Variants in NDUFV1 observed in about 807,000 individuals in gnomAD.
NDUFV1 encodes the protein NADH dehydrogenase [ubiquinone] flavoprotein 1, mitochondrial.
NDUFV1 carries 41 observed loss-of-function variants against 48.7 expected under a neutral mutation model. The observed-to-expected ratio is 0.84, with a 90% CI of 0.66 to 1.09. The LOEUF (loss-of-function observed/expected upper bound fraction) is 1.09, where lower values mean the gene tolerates loss of function less well. NDUFV1 is among the 50% of genes least tolerant of loss of function. NDUFV1 has a pLI of 0.00. For synonymous variants in NDUFV1, 231 were observed against 259.1 expected (o/e 0.89, Z 1.04); for missense variants, 580 against 645.4 (o/e 0.90, Z 1.10).
At chr11:67,607,876 G>A (rs944375677) in intron 1 of NDUFV1, among the ~76,000 whole-genome samples, 2 of 152,348 alleles carry the variant, frequency 1.3e-5, no homozygotes, top group African/African-American at 4.8e-5. Flanking sequence ...GAGTTCTTAT[G>A]AGGATGAAAT....
At position 67,608,678 on chromosome 11, in the gene NDUFV1, CA is replaced by C. The variant is rs764629375; in HGVS notation, c.283del (p.Thr95LeufsTer8). On this transcript the variant is annotated frameshift_variant, in exon 3 of 10. Transcript: ENST00000322776. LOFTEE classifies it high-confidence loss of function. ...LRGRGGAGFP[T>X]GLKWSFMNKP... ...GGGGCCGTGGAGGCGCTGGCTTCCC[CA>C]CTGGCCTCAAGTGGAGCTTCATGAA... The C allele has an allele frequency of 6.2e-7, 1 of 1,614,012 alleles. No individual in the cohort carries two copies. Among genetic ancestry groups the C allele is most frequent in the African/African-American group, 1.3e-5 (1 of 74,920 alleles).
chr11:67,608,767 TG>T, intron 3 of NDUFV1, 45 bp downstream of exon 3: 1 of 1,608,136 alleles, frequency 6.2e-7, no homozygotes, highest in South Asian at 1.1e-5. Context: ...GGAGAGACCT[TG>T]GGGGTGGCTG....
At chr11:67,609,341 G>C (rs1854866818) in intron 3 of NDUFV1, 111 bp from the exon 4 acceptor site, 3 of 1,116,700 alleles carry the variant, frequency 2.7e-6, no homozygotes, top group Middle Eastern at 2.9e-4. Flanking sequence ...GTAAAGGATT[G>C]GCTGTCAGAG....
rs1159304558 is a variant in NDUFV1 at position 67,611,971 on chromosome 11, C to G, written c.1155C>G (p.Cys385Trp). Residue 385 changes from cysteine to tryptophan, a missense_variant, in exon 8 of 10, where the codon TGC becomes TGG. Physicochemically the swap from Cys to Trp is radical, Grantham distance 215 (BLOSUM62 -2). Transcript: ENST00000322776. This position sits in a 1 kb window ranked among gnomAD's most constrained non-coding sequence, Gnocchi z 4.2. ...KHESCGQCTPCREGVDWMNKV... is the reference protein window; with the variant it reads ...KHESCGQCTPWREGVDWMNKV... Reference sequence around the variant, plus strand: ...AGAGCTGTGGCCAGTGTACCCCATGCCGTGAGGGTGAGCATCGGGCAGGTT... The same window carrying G: ...AGAGCTGTGGCCAGTGTACCCCATGGCGTGAGGGTGAGCATCGGGCAGGTT... The G allele has an allele frequency of 6.2e-7, 1 of 1,613,846 alleles. No homozygotes were observed. The highest frequency in any genetic ancestry group is 8.5e-7 in the Non-Finnish European group (1 of 1,179,998).
At chr11:67,609,807 C>A in intron 4 of NDUFV1, 172 bp downstream of exon 4, 1 of 684,108 alleles carries the variant, frequency 1.5e-6, no homozygotes, top group Non-Finnish European at 2.4e-6. Context: ...CCAAAGCCTC[C>A]TTCCAGGGCT....
At position 67,612,029 on chromosome 11, in the gene NDUFV1, C is replaced by T. The variant is rs763618086; in HGVS notation, c.1162+51C>T. The T allele has an allele frequency of 6.2e-7, 1 of 1,613,486 alleles. No homozygotes were observed. The highest frequency in any genetic ancestry group is 8.5e-7 in the Non-Finnish European group (1 of 1,179,860). On this transcript the variant is annotated intron_variant, in intron 8 of 9. Transcript: ENST00000322776. The surrounding 1 kb of genome is among the most constrained non-coding windows in gnomAD (Gnocchi z 4.4). ...TGCTTGCTGTGGCTTCATTTAACCT[C>T]CTCCCCACCACGTGGCCTGCAGCCC...
intron 1 of NDUFV1, among the ~76,000 whole-genome samples, chr11:67,607,771 G>A (rs1854838441): frequency 6.6e-6 from 1 of 152,200 alleles, no homozygotes; most frequent in African/African-American, 2.4e-5. Flanking sequence ...GCTCAAATTG[G>A]ACCTGCTGCT....
intron 4 of NDUFV1, 44 bp from the exon 5 acceptor site, chr11:67,610,337 C>CTGGGCTGGGGG (rs111437532): frequency 1.2e-6 from 2 of 1,611,712 alleles, no homozygotes; most frequent in Non-Finnish European, 1.7e-6. Flanking sequence ...AGGCTGACTC[C>CTGGGCTGGGGG]TGGGCTGGGG....
At chr11:67,609,832 T>C in intron 4 of NDUFV1, 197 bp downstream of exon 4, 1 of 560,340 alleles carries the variant, frequency 1.8e-6, no homozygotes, top group Non-Finnish European at 3.0e-6. Flanking sequence ...ATGCTGCTGG[T>C]GTAAATTTTT....
At position 67,610,550 on chromosome 11, in the gene NDUFV1, C is replaced by A; in HGVS notation, c.680C>A (p.Pro227His). Residue 227 changes from proline to histidine, a missense_variant, in exon 5 of 10, where the codon CCC becomes CAC. Pro to His is a moderately conservative substitution (Grantham distance 77). Coordinates refer to ENST00000322776, the MANE Select transcript of NDUFV1 (RefSeq NM_007103.4). Reference sequence around the variant, plus strand: ...AAGCAGGGCAAGCCCCGCCTGAAGCCCCCCTTCCCCGCAGACGTGGGTAAG... The same window carrying A: ...AAGCAGGGCAAGCCCCGCCTGAAGCACCCCTTCCCCGCAGACGTGGGTAAG... The part of the protein sequence containing the change: ...EGKQGKPRLK[P>H]PFPADVGVFG... 6.2e-7 allele frequency: 1 copy of A among 1,614,170 alleles called. No individual in the cohort carries two copies.
In NDUFV1 at chr11:67,610,390, C is replaced by T. The variant is rs200865872; in HGVS notation, c.520C>T (p.Arg174Ter). ...CACCTTTGTCCTGCAGGTGGCCATCCGAGAGGCCTATGAGGCAGGTCTGAT... is the reference window on the plus strand; with the variant it reads ...CACCTTTGTCCTGCAGGTGGCCATCTGAGAGGCCTATGAGGCAGGTCTGAT... ...NEASNLQVAI[R>*]EAYEAGLIGK... The change falls in exon 5 of 10, where the codon CGA (arginine) becomes TGA (stop). Residue 174 changes from arginine (R) to a stop codon, truncating the protein, a stop_gained. Coordinates refer to ENST00000322776, the MANE Select transcript of NDUFV1 (RefSeq NM_007103.4). LOFTEE classifies it high-confidence loss of function. 1.3e-5 allele frequency: 21 copies of T among 1,614,044 alleles called. No homozygotes were observed. The highest frequency in any genetic ancestry group is 2.2e-5 in the East Asian group (1 of 44,898).
In NDUFV1 at chr11:67,610,561, G is replaced by A. The variant is rs746063542; in HGVS notation, c.691G>A (p.Ala231Thr). 15 of 1,613,976 alleles carry A rather than the reference G, an allele frequency of 9.3e-6. No homozygotes were observed. The highest frequency in any genetic ancestry group is 1.7e-5 in the Admixed American group (1 of 60,018). The stretch of plus-strand genomic sequence containing the variant: ...GCCCCGCCTGAAGCCCCCCTTCCCC[G>A]CAGACGTGGGTAAGGCCTGGCGTAA... ...GKPRLKPPFPADVGVFGCPTT... is the reference protein window; with the variant it reads ...GKPRLKPPFPTDVGVFGCPTT... Residue 231 changes from alanine (A) to threonine (T), a missense_variant, in exon 5 of 10, where the codon GCA becomes ACA. Transcript: ENST00000322776.
At chr11:67,610,955 C>T (rs1591110860) in intron 5 of NDUFV1, 40 bp from the exon 6 acceptor site, 1 of 1,604,268 alleles carries the variant, frequency 6.2e-7, no homozygotes, top group Non-Finnish European at 8.5e-7. Context: ...ACTTGCCCCA[C>T]CCCCTAGCAG....
At chr11:67,608,275 G>A in intron 1 of NDUFV1, 121 bp from the exon 2 acceptor site, 1 of 914,524 alleles carries the variant, frequency 1.1e-6, no homozygotes, top group Non-Finnish European at 1.8e-6. Context: ...TGATGCTATA[G>A]ATGCTTCCCT....
chr11:67,612,530 C>T lies in NDUFV1; in HGVS notation c.*72C>T, dbSNP rs2134086834. ...GGACAATAAAGCGAGTGCTGCCCAC[C>T]CTCCAGCTGCCGCTGCTGTGACTGT... is the stretch of plus-strand genomic sequence containing the variant. On this transcript the variant is annotated 3_prime_UTR_variant, in exon 10 of 10. Coordinates refer to ENST00000322776, the MANE Select transcript of NDUFV1 (RefSeq NM_007103.4). This position sits in a 1 kb window ranked among gnomAD's most constrained non-coding sequence, Gnocchi z 4.4. The T allele has an allele frequency of 2.0e-6, 3 of 1,482,196 alleles. No individual in the cohort carries two copies. Among genetic ancestry groups the T allele is most frequent in the East Asian group, 4.9e-5 (2 of 40,994 alleles). 91.8% of individuals were successfully genotyped at this position (1,482,196 alleles called of 1,614,324 possible).
Position 67,611,057 on chromosome 11 carries a change from T to C in NDUFV1, c.763T>C (p.Cys255Arg). The part of the protein sequence containing the change: ...VETVAVSPTI[C>R]RRGGTWFAGF... ...GACAGTGGCAGTGTCCCCCACAATC[T>C]GCCGCCGTGGAGGTACCTGGTTTGC... Residue 255 changes from cysteine to arginine, a missense_variant, in exon 6 of 10, where the codon TGC (cysteine) becomes CGC (arginine). Coordinates refer to ENST00000322776, the MANE Select transcript of NDUFV1 (RefSeq NM_007103.4). The surrounding 1 kb of genome is among the most constrained non-coding windows in gnomAD (Gnocchi z 4.2). The C allele has an allele frequency of 6.2e-7, 1 of 1,614,238 alleles. No homozygotes were observed. The highest frequency in any genetic ancestry group is 2.2e-5 in the East Asian group (1 of 44,892).
intron 1 of NDUFV1, chr11:67,607,417 G>C (rs1854827917): frequency 1.9e-6 from 1 of 527,562 alleles, no homozygotes; most frequent in Non-Finnish European, 3.6e-6. Context: ...CGCACCTCCT[G>C]ATTTCCCGTC....
In NDUFV1 at chr11:67,610,427, C is replaced by T; in HGVS notation, c.557C>T (p.Ala186Val). ...GAGGCAGGTCTGATTGGCAAGAATGCTTGTGGCTCTGGCTATGATTTTGAC... is the reference window on the plus strand; with the variant it reads ...GAGGCAGGTCTGATTGGCAAGAATGTTTGTGGCTCTGGCTATGATTTTGAC... ...AYEAGLIGKN[A>V]CGSGYDFDVF... is the part of the protein sequence containing the mutation. Residue 186 changes from alanine (A) to valine (V), a missense_variant, in exon 5 of 10, where the codon GCT (alanine) becomes GTT (valine). Transcript: ENST00000322776. The T allele has an allele frequency of 1.2e-6, 2 of 1,614,168 alleles. No individual in the cohort carries two copies. Among genetic ancestry groups the T allele is most frequent in the Non-Finnish European group, 1.7e-6 (2 of 1,180,028 alleles).
In NDUFV1 at chr11:67,612,459, C is replaced by T. The variant is rs1399914243; in HGVS notation, c.*1C>T. ...TCAGGCCCGGCAGGCTGCCTCTTAG[C>T]CCACCACCCTGGCCTGCTGTCCTGC... On this transcript the variant is annotated 3_prime_UTR_variant, in exon 10 of 10. Coordinates refer to ENST00000322776, the MANE Select transcript of NDUFV1 (RefSeq NM_007103.4). The surrounding 1 kb of genome is among the most constrained non-coding windows in gnomAD (Gnocchi z 4.4). The T allele has an allele frequency of 6.2e-7, 1 of 1,611,252 alleles. No homozygotes were observed. Among genetic ancestry groups the T allele is most frequent in the South Asian group, 1.1e-5 (1 of 90,848 alleles).
Sources: gnomAD v4.1 joint callset for allele counts (sites outside exome capture counted in the v4.1 genomes callset) on GRCh38, gnomAD v4.1.1 for gene constraint, Gnocchi (gnomAD v3.1) non-coding constraint, MANE v1.5 for transcripts, NCBI Gene and HGNC (gene_info 2026-07-23, HGNC 2026-07-21) for gene names.